The following IL1RAPL1 variants were observed in gnomAD, a reference collection of about 807,000 sequenced individuals.
IL1RAPL1 encodes interleukin-1 receptor accessory protein-like 1.
Under a neutral mutation model 48.4 loss-of-function variants are expected in IL1RAPL1, and 3 were observed. The observed-to-expected ratio is 0.06, with a 90% CI of 0.03 to 0.16. IL1RAPL1 has a LOEUF of 0.16. Ranked by LOEUF, IL1RAPL1 falls within the 10% of genes least tolerant of loss-of-function variation. The pLI, the probability that IL1RAPL1 is intolerant of heterozygous loss-of-function variation, is 1.00. For missense variants in IL1RAPL1, 349 were observed against 530.6 expected (o/e 0.66, Z 3.36); for synonymous variants, 185 against 187.7 (o/e 0.99, Z 0.12).
At chrX:28,836,697 T>C (rs1022207074) in intron 2 of IL1RAPL1, among the ~76,000 whole-genome samples, 2 of 109,764 alleles carry the variant, frequency 1.8e-5, no homozygotes, top group African/African-American at 6.6e-5. Context: ...CTTAAGAAAG[T>C]TTCCTAATGC....
At chrX:29,659,940 C>T (rs942320009) in intron 5 of IL1RAPL1, among the ~76,000 whole-genome samples, 14 of 111,887 alleles carry the variant, frequency 1.3e-4, no homozygotes, top group African/African-American at 4.5e-4. Flanking sequence ...AATTGACTCA[C>T]AGTTCTGCAG....
At chrX:28,715,621 A>C (rs1197873245) in intron 1 of IL1RAPL1, among the ~76,000 whole-genome samples, 2 of 111,619 alleles carry the variant, frequency 1.8e-5, no homozygotes, top group African/African-American at 6.5e-5. Flanking sequence ...CCCTCCCAAG[A>C]CTGAACCAGG....
chrX:29,793,462 A>G (rs1255352075), intron 6 of IL1RAPL1, among the ~76,000 whole-genome samples: 1 of 111,954 alleles, frequency 8.9e-6, no homozygotes. Flanking sequence ...CTGTTTTTTA[A>G]GTAATTTACT....
intron 6 of IL1RAPL1, among the ~76,000 whole-genome samples, chrX:29,755,295 A>G (rs1928584251): frequency 8.9e-6 from 1 of 112,313 alleles, no homozygotes; most frequent in African/African-American, 3.2e-5. Context: ...AGTTGGAATT[A>G]CACAAAGATG....
intron 1 of IL1RAPL1, among the ~76,000 whole-genome samples, chrX:28,599,005 C>T (rs986775602): frequency 1.7e-4 from 18 of 108,943 alleles, no homozygotes; most frequent in Admixed American, 9.6e-5. Flanking sequence ...TTTGGGAGGC[C>T]GAGGCAAGGG....
At chrX:29,081,877 G>A (rs1927851154) in intron 2 of IL1RAPL1, among the ~76,000 whole-genome samples, 1 of 110,106 alleles carries the variant, frequency 9.1e-6, no homozygotes, top group Non-Finnish European at 1.9e-5. Context: ...TCTTCTACTG[G>A]CAATGATATG....
At chrX:29,316,045 T>C (rs1335485558) in intron 3 of IL1RAPL1, among the ~76,000 whole-genome samples, 1 of 112,190 alleles carries the variant, frequency 8.9e-6, no homozygotes, top group African/African-American at 3.2e-5. Context: ...CAATAAACCA[T>C]GGCTAATACC....
At chrX:29,414,881 A>G (rs1934194577) in intron 5 of IL1RAPL1, among the ~76,000 whole-genome samples, 1 of 111,513 alleles carries the variant, frequency 9.0e-6, no homozygotes, top group African/African-American at 3.3e-5. Context: ...ACCTGTTTCA[A>G]TACAGAGTCT....
chrX:29,710,845 TA>T (rs1282747917), intron 6 of IL1RAPL1, among the ~76,000 whole-genome samples: 1 of 107,741 alleles, frequency 9.3e-6, no homozygotes, highest in African/African-American at 3.3e-5. Flanking sequence ...ATCTGCTAGA[TA>T]ACCTCTTGTT....
chrX:28,839,449 A>G (rs1921309514), intron 2 of IL1RAPL1, among the ~76,000 whole-genome samples: 1 of 111,015 alleles, frequency 9.0e-6, no homozygotes, highest in African/African-American at 3.2e-5. Flanking sequence ...ATATGACTAT[A>G]AAGCATCATT....
intron 1 of IL1RAPL1, among the ~76,000 whole-genome samples, chrX:28,779,630 GTGTGTA>G (rs1220827116): frequency 0.012 from 710 of 61,098 alleles, 30 homozygotes; most frequent in African/African-American, 0.032. Context: ...GTGTGTGTGT[GTGTGTA>G]TATATATATA....
intron 5 of IL1RAPL1, among the ~76,000 whole-genome samples, chrX:29,597,149 A>ATTTTTTTTTTTTTTTTTTT (rs35180262): frequency 1.1e-4 from 6 of 55,940 alleles, no homozygotes; most frequent in African/African-American, 4.0e-4. Flanking sequence ...TTTGTTGAGG[A>ATTTTTTTTTTTTTTTTTTT]TTTTTTTTTT....
chrX:28,908,051 T>C (rs2147330262), intron 2 of IL1RAPL1, among the ~76,000 whole-genome samples: 1 of 111,799 alleles, frequency 8.9e-6, no homozygotes, highest in East Asian at 2.8e-4. Context: ...TACCATCTAA[T>C]ATCTGTGGGA....
chrX:28,629,891 C>T (rs1462217250), intron 1 of IL1RAPL1, among the ~76,000 whole-genome samples: 1 of 111,778 alleles, frequency 8.9e-6, no homozygotes, highest in Admixed American at 9.5e-5. Context: ...TGCAGTCATC[C>T]TATTCAACTT....
At chrX:29,802,884 T>C (rs778433154) in intron 6 of IL1RAPL1, among the ~76,000 whole-genome samples, 12 of 84,933 alleles carry the variant, frequency 1.4e-4, no homozygotes, top group Non-Finnish European at 2.4e-4. Flanking sequence ...CATATATGTA[T>C]ATATGTATAC....
intron 5 of IL1RAPL1, among the ~76,000 whole-genome samples, chrX:29,457,187 CTTT>C (rs34148272): frequency 0.08 from 7,580 of 94,997 alleles, 441 homozygotes; most frequent in African/African-American, 0.2. Context: ...TACCTCTATT[CTTT>C]TTTTTTTTTT....
intron 5 of IL1RAPL1, among the ~76,000 whole-genome samples, chrX:29,536,094 A>G (rs1369037934): frequency 8.9e-6 from 1 of 111,965 alleles, no homozygotes; most frequent in Non-Finnish European, 1.9e-5. Flanking sequence ...AGGGCTTTAG[A>G]ATTATTGTTA....
At chrX:29,739,428 G>A (rs751343440) in intron 6 of IL1RAPL1, among the ~76,000 whole-genome samples, 1 of 110,555 alleles carries the variant, frequency 9.0e-6, no homozygotes, top group Non-Finnish European at 1.9e-5. Context: ...TTTCCATTTG[G>A]CTGTGGCAAT....
chrX:29,497,198 G>T (rs919272048), intron 5 of IL1RAPL1, among the ~76,000 whole-genome samples: 4 of 111,965 alleles, frequency 3.6e-5, no homozygotes, highest in Non-Finnish European at 5.6e-5. Flanking sequence ...TGATTTGTCA[G>T]TTAGATGTAA....
Sources: gnomAD v4.1 joint callset for allele counts (sites outside exome capture counted in the v4.1 genomes callset) on GRCh38, gnomAD v4.1.1 for gene constraint, MANE v1.5 for transcripts, NCBI Gene and HGNC (gene_info 2026-07-23, HGNC 2026-07-21) for gene names.